The following FUT9 variants were observed in gnomAD, a reference collection of about 807,000 sequenced individuals.
FUT9 encodes fucosyltransferase 9.
A neutral mutation model predicts 29.7 loss-of-function variants in FUT9; 15 were observed. That is an observed-to-expected ratio of 0.51 (90% confidence interval 0.34 to 0.78). FUT9 has a LOEUF of 0.78. Ranked by LOEUF, FUT9 falls within the 30% of genes least tolerant of loss-of-function variation. The pLI, the probability that FUT9 is intolerant of heterozygous loss-of-function variation, is 0.01. For synonymous variants in FUT9, 169 were observed against 153.7 expected, an observed-to-expected ratio of 1.10 and a Z score of -0.74; for missense variants, 319 against 425.4, an observed-to-expected ratio of 0.75 and a Z score of 2.20.
At chr6:96,131,947 A>G (rs1772253133) in intron 2 of FUT9, among the ~76,000 whole-genome samples, 1 of 152,078 alleles carries the variant, frequency 6.6e-6, no homozygotes, top group Admixed American at 6.6e-5. Flanking sequence ...CAGTTCTATG[A>G]AGAGGATATT....
chr6:96,046,417 C>A (rs1266826709), intron 1 of FUT9, among the ~76,000 whole-genome samples: 1 of 152,124 alleles, frequency 6.6e-6, no homozygotes, highest in African/African-American at 2.4e-5. Flanking sequence ...ACCTACAACT[C>A]CATTTAACAT....
At chr6:96,069,262 A>G (rs1004354862) in intron 1 of FUT9, among the ~76,000 whole-genome samples, 1 of 151,984 alleles carries the variant, frequency 6.6e-6, no homozygotes, top group African/African-American at 2.4e-5. Context: ...CGGAGGTTGC[A>G]GTGAGCCGAG....
chr6:96,134,055 CATGAGTTTGGGA>C (rs1213556559), intron 2 of FUT9, among the ~76,000 whole-genome samples: 5 of 151,096 alleles, frequency 3.3e-5, no homozygotes, highest in Non-Finnish European at 7.4e-5. Context: ...TTTTCAGACA[CATGAGTTTGGGA>C]ATGAGTTAAA....
chr6:96,199,728 A>C (rs1773694487), intron 2 of FUT9, among the ~76,000 whole-genome samples: 1 of 152,188 alleles, frequency 6.6e-6, no homozygotes, highest in Non-Finnish European at 1.5e-5. Flanking sequence ...ACAGAGGAAG[A>C]AACAAAGTAC....
chr6:96,207,757 C>T lies in FUT9; in HGVS notation c.*3522C>T, dbSNP rs529262221. On this transcript the variant is annotated 3_prime_UTR_variant, in exon 3 of 3. Transcript: ENST00000302103. ...TTTAAAATGTTTTATTTCAAAATAT[C>T]GAAAAGCTATTACCTTCAATACTCT... 2.4e-5 allele frequency: 4 copies of T among 166,792 alleles called. No homozygotes were observed. The South Asian group carries it at 8.4e-4, about 35-fold the overall frequency. 10.3% of individuals were successfully genotyped at this position (166,792 alleles called of 1,614,324 possible).
intron 1 of FUT9, among the ~76,000 whole-genome samples, chr6:96,101,014 T>C (rs571733108): frequency 4.6e-5 from 7 of 150,574 alleles, no homozygotes; most frequent in Admixed American, 1.3e-4. Context: ...CATACATGTG[T>C]AATCAAGTGT....
intron 1 of FUT9, among the ~76,000 whole-genome samples, chr6:96,021,324 A>G (rs1376337269): frequency 6.6e-6 from 1 of 151,930 alleles, no homozygotes. Flanking sequence ...TATTAGTAGT[A>G]TGAACACAGG....
intron 1 of FUT9, among the ~76,000 whole-genome samples, chr6:96,050,398 C>A (rs1413538284): frequency 6.6e-6 from 1 of 152,138 alleles, no homozygotes; most frequent in Non-Finnish European, 1.5e-5. Flanking sequence ...AAATGCAATG[C>A]CTGTTTAGTT....
intron 2 of FUT9, among the ~76,000 whole-genome samples, chr6:96,150,361 A>C (rs2127976438): frequency 6.6e-6 from 1 of 152,250 alleles, no homozygotes; most frequent in East Asian, 1.9e-4. Context: ...CAGCATTCCG[A>C]GGAAAAAGGA....
chr6:96,082,565 A>T (rs990623395), intron 1 of FUT9, among the ~76,000 whole-genome samples: 1 of 151,900 alleles, frequency 6.6e-6, no homozygotes, highest in African/African-American at 2.4e-5. Context: ...TGTTTTGTAT[A>T]GCAAATTTCT....
At position 96,077,835 on chromosome 6, in the gene FUT9, G is replaced by T. The variant is rs901495524; in HGVS notation, c.-97-36204G>T. Among the ~76,000 whole-genome samples, 17 of 152,164 alleles carry T rather than the reference G, an allele frequency of 1.1e-4. 1 individual carries two copies. Among genetic ancestry groups the T allele is most frequent in the African/African-American group, 3.9e-4 (16 of 41,438 alleles). ...TAATGTAGTCAATGCTTAATAGCCA[G>T]TGTTTTGTGGTTAAGAATATTCCTT... On this transcript the variant is annotated intron_variant, in intron 1 of 2. Transcript: ENST00000302103.
At chr6:96,121,239 A>G (rs943350711) in intron 2 of FUT9, among the ~76,000 whole-genome samples, 25 of 152,198 alleles carry the variant, frequency 1.6e-4, no homozygotes, top group African/African-American at 4.8e-4. Context: ...CTTATCCCTT[A>G]TAATGATATA....
chr6:96,168,625 G>A (rs1236912416), intron 2 of FUT9, among the ~76,000 whole-genome samples: 1 of 152,136 alleles, frequency 6.6e-6, no homozygotes, highest in Non-Finnish European at 1.5e-5. Context: ...CTGATTAGAA[G>A]GTATGTAATA....
At chr6:96,167,989 G>A (rs550712006) in intron 2 of FUT9, among the ~76,000 whole-genome samples, 1 of 152,290 alleles carries the variant, frequency 6.6e-6, no homozygotes, top group African/African-American at 2.4e-5. Flanking sequence ...TGTATTTCCT[G>A]CTAATTGGAT....
At chr6:96,121,407 T>C (rs1174639518) in intron 2 of FUT9, among the ~76,000 whole-genome samples, 1 of 152,170 alleles carries the variant, frequency 6.6e-6, no homozygotes, top group Non-Finnish European at 1.5e-5. Context: ...CATTTCCTTA[T>C]AGCTACTCTA....
In FUT9 at chr6:96,207,554, C is replaced by T. The variant is rs1421525529; in HGVS notation, c.*3319C>T. The T allele has an allele frequency of 6.0e-6, 1 of 166,948 alleles. No individual in the cohort carries two copies. The highest frequency in any genetic ancestry group is 6.5e-5 in the Admixed American group (1 of 15,268). 10.3% of individuals were successfully genotyped at this position (166,948 alleles called of 1,614,324 possible). The stretch of plus-strand genomic sequence containing the variant: ...ATCACTACATTTAAGTGAAATACAA[C>T]CCTCAAGAAAGTGTATGGTTCACAG... On this transcript the variant is annotated 3_prime_UTR_variant, in exon 3 of 3. Transcript: ENST00000302103.
chr6:96,130,863 T>C (rs1442909059), intron 2 of FUT9, among the ~76,000 whole-genome samples: 1 of 152,176 alleles, frequency 6.6e-6, no homozygotes, highest in African/African-American at 2.4e-5. Flanking sequence ...TGCAAACTTA[T>C]TGCTTGCTAC....
rs4526205 is a variant in FUT9, at chr6:96,159,993, C to T, written c.-8-43155C>T. Among the ~76,000 whole-genome samples the T allele has an allele frequency of 7.0e-3, 1,063 of 151,962 alleles. 2 individuals carry two copies. Among genetic ancestry groups the T allele is most frequent in the South Asian group, 0.013 (63 of 4,802 alleles). On this transcript the variant is annotated intron_variant, in intron 2 of 2. Transcript: ENST00000302103. ...CATTAGCTTAAATTTATATTATCAA[C>T]GAAACAAGAAATTAATTAGGCTGAC... is the stretch of plus-strand genomic sequence containing the variant.
At chr6:96,199,226 T>C (rs1371846399) in intron 2 of FUT9, among the ~76,000 whole-genome samples, 1 of 152,228 alleles carries the variant, frequency 6.6e-6, no homozygotes, top group African/African-American at 2.4e-5. Flanking sequence ...TAGTATTGAT[T>C]ATCAGTATAA....
Sources: gnomAD v4.1 joint callset for allele counts (sites outside exome capture counted in the v4.1 genomes callset) on GRCh38, gnomAD v4.1.1 for gene constraint, MANE v1.5 for transcripts, NCBI Gene and HGNC (gene_info 2026-07-23, HGNC 2026-07-21) for gene names.